Variants in NUP214 observed in about 807,000 individuals in gnomAD.
NUP214 encodes the protein nucleoporin 214, also known as nuclear pore complex protein Nup214.
A neutral mutation model predicts 196.2 loss-of-function variants in NUP214; 79 were observed. The ratio of observed to expected loss-of-function variants is 0.40; its 90% CI spans 0.34 to 0.49. The LOEUF (loss-of-function observed/expected upper bound fraction) is 0.49, where lower values mean the gene tolerates loss of function less well. Among genes scored for constraint, NUP214 ranks in the 20% least tolerant of loss-of-function variants. NUP214 has a pLI of 0.58. For synonymous variants in NUP214, 1,020 were observed against 990.5 expected (o/e 1.03, Z -0.56); for missense variants, 2,468 against 2,539.0 (o/e 0.97, Z 0.60).
chr9:131,199,142 A>G lies in NUP214; in HGVS notation c.5521+127A>G, dbSNP rs1588162689. Reference sequence around the variant, plus strand: ...CCAAAAATAATCTGTAGGTTAAAGAAGACAGCTTGGAGCACATGTGGTCTC... The same window carrying G: ...CCAAAAATAATCTGTAGGTTAAAGAGGACAGCTTGGAGCACATGTGGTCTC... On this transcript the variant is annotated intron_variant, in intron 29 of 35. Coordinates refer to ENST00000359428, the MANE Select transcript of NUP214 (RefSeq NM_005085.4). 2.5e-6 allele frequency: 3 copies of G among 1,206,810 alleles called. No homozygotes were observed. The East Asian group carries it at 7.3e-5, about 29-fold the overall frequency. 74.8% of individuals were successfully genotyped at this position (1,206,810 alleles called of 1,614,324 possible).
intron 18 of NUP214, among the ~76,000 whole-genome samples, chr9:131,162,491 G>T (rs1832669857): frequency 6.6e-6 from 1 of 152,126 alleles, no homozygotes; most frequent in Non-Finnish European, 1.5e-5. Context: ...TCTCTGTCTT[G>T]TTTTAGTTCT....
In NUP214 at chr9:131,215,320, A is replaced by G; in HGVS notation, c.5701A>G (p.Asn1901Asp). The change falls in exon 31 of 36, where the codon AAC (asparagine) becomes GAC (aspartate). Residue 1901 changes from asparagine (N) to aspartate (D), a missense_variant. Asn to Asp is a conservative substitution (Grantham distance 23). This residue lies in a region of NUP214 where 262 missense variants were observed against 296.5 expected (regional missense o/e 0.88). Coordinates refer to ENST00000359428, the MANE Select transcript of NUP214 (RefSeq NM_005085.4). Reference sequence around the variant, plus strand: ...ACCCAGTCAGGATGCAGCCAACAAAAACCCATTCAGCTCGGCCAGTGGGGG... The same window carrying G: ...ACCCAGTCAGGATGCAGCCAACAAAGACCCATTCAGCTCGGCCAGTGGGGG... ...GKPSQDAANK[N>D]PFSSASGGFG... The G allele has an allele frequency of 6.2e-7, 1 of 1,607,902 alleles. No individual in the cohort carries two copies. Among genetic ancestry groups the G allele is most frequent in the South Asian group, 1.1e-5 (1 of 90,304 alleles).
chr9:131,160,525 G>A (rs1280447534), intron 18 of NUP214, among the ~76,000 whole-genome samples: 1 of 152,184 alleles, frequency 6.6e-6, no homozygotes, highest in Admixed American at 6.5e-5. Flanking sequence ...CACCATGAGA[G>A]CATGAAGTGC....
intron 30 of NUP214, among the ~76,000 whole-genome samples, chr9:131,202,722 G>A (rs146372857): frequency 8.6e-5 from 13 of 152,034 alleles, no homozygotes; most frequent in Non-Finnish European, 1.6e-4. Flanking sequence ...GATTACAGGC[G>A]TGAGCCACTG....
chr9:131,218,341 G>C (rs994716401), intron 31 of NUP214, among the ~76,000 whole-genome samples: 1 of 152,222 alleles, frequency 6.6e-6, no homozygotes, highest in African/African-American at 2.4e-5. Flanking sequence ...GGAGAAGGAA[G>C]AGCTGGGAGT....
At chr9:131,206,664 A>C (rs1834097413) in intron 30 of NUP214, among the ~76,000 whole-genome samples, 2 of 152,074 alleles carry the variant, frequency 1.3e-5, no homozygotes, top group South Asian at 4.1e-4. Context: ...GCTGGTCTGT[A>C]ACTCCTGGCC....
intron 7 of NUP214, among the ~76,000 whole-genome samples, chr9:131,134,319 G>A (rs1346740622): frequency 1.3e-5 from 2 of 152,194 alleles, no homozygotes; most frequent in African/African-American, 4.8e-5. Flanking sequence ...AGAAAATAAA[G>A]CCGTGTTAGG....
At chr9:131,163,759 A>T (rs1219127606) in intron 19 of NUP214, 111 bp from the exon 20 acceptor site, 1 of 745,600 alleles carries the variant, frequency 1.3e-6, no homozygotes, top group East Asian at 2.4e-5. Context: ...ATGTTTATAT[A>T]TTGGGGATAT....
At chr9:131,147,677 C>A in intron 14 of NUP214, 93 bp downstream of exon 14, 1 of 981,138 alleles carries the variant, frequency 1.0e-6, no homozygotes, top group South Asian at 1.4e-5. Flanking sequence ...TTTTATAATT[C>A]AGACCTTGGA....
chr9:131,139,447 T>G, intron 10 of NUP214, 40 bp downstream of exon 10: 1 of 1,593,906 alleles, frequency 6.3e-7, no homozygotes, highest in Non-Finnish European at 8.5e-7. Context: ...ATAGTCTTCT[T>G]TCTAGTTAGG....
chr9:131,197,108 T>A, intron 28 of NUP214, 108 bp from the exon 29 acceptor site: 1 of 1,475,014 alleles, frequency 6.8e-7, no homozygotes, highest in Non-Finnish European at 9.2e-7. Context: ...GCACCCTGAC[T>A]CTGTAGAGGG....
chr9:131,215,616 C>T (rs188350033), intron 31 of NUP214, among the ~76,000 whole-genome samples: 37 of 152,142 alleles, frequency 2.4e-4, no homozygotes, highest in Admixed American at 2.0e-3. Flanking sequence ...AGCTGCTCCC[C>T]TCTTCTCTCC....
intron 25 of NUP214, among the ~76,000 whole-genome samples, chr9:131,188,821 C>T (rs1370834503): frequency 6.6e-6 from 1 of 152,234 alleles, no homozygotes; most frequent in East Asian, 1.9e-4. Context: ...GTGTGACTGC[C>T]TTCTTGGAGC....
chr9:131,147,651 A>G, intron 14 of NUP214, 67 bp downstream of exon 14: 2 of 1,174,114 alleles, frequency 1.7e-6, no homozygotes, highest in Non-Finnish European at 1.3e-6. Flanking sequence ...ACCTATGAAT[A>G]AAATGAGTTT....
intron 16 of NUP214, among the ~76,000 whole-genome samples, chr9:131,151,094 T>G (rs548147674): frequency 6.6e-6 from 1 of 152,236 alleles, no homozygotes; most frequent in Admixed American, 6.5e-5. Context: ...TATTTGAAAT[T>G]TTACTATCTC....
Position 131,175,679 on chromosome 9 carries a change from G to A in NUP214, c.3319+58G>A, listed in dbSNP as rs1833095116. On this transcript the variant is annotated intron_variant, in intron 23 of 35. Transcript: ENST00000359428. ...CTGATTATGAGCTGTCTGAGTCACA[G>A]GCCAGGACAGCAGGTGGCAAGAAAC... 3.6e-5 allele frequency: 57 copies of A among 1,562,910 alleles called. No individual in the cohort carries two copies. The East Asian group carries it at 1.3e-3, about 35-fold the overall frequency.
intron 28 of NUP214, among the ~76,000 whole-genome samples, chr9:131,196,025 T>TCCCTCCCCCCCCC: frequency 2.7e-4 from 1 of 3,666 alleles, no homozygotes; most frequent in African/African-American, 6.6e-4. Flanking sequence ...ACTCTGTGTG[T>TCCCTCCCCCCCCC]CCCCCCCCCC....
Position 131,219,029 on chromosome 9 carries a change from C to A in NUP214, c.5749+3661C>A, listed in dbSNP as rs546339139. On this transcript the variant is annotated intron_variant, in intron 31 of 35. Transcript: ENST00000359428. ...GAGGGTCATTCAGGCCCACCATGAT[C>A]GCTCCCTCTCTGGAAATCCTGCAGC... Among the ~76,000 whole-genome samples the A allele has an allele frequency of 3.9e-5, 6 of 152,120 alleles. No homozygotes were observed. The South Asian group carries it at 1.2e-3, about 32-fold the overall frequency.
At chr9:131,227,817 C>T (rs1429952032) in intron 32 of NUP214, among the ~76,000 whole-genome samples, 2 of 152,090 alleles carry the variant, frequency 1.3e-5, no homozygotes, top group Admixed American at 1.3e-4. Context: ...GGAAGGTGCA[C>T]CGAGTGGGCT....
Sources: gnomAD v4.1 joint callset for allele counts (sites outside exome capture counted in the v4.1 genomes callset) on GRCh38, gnomAD v4.1.1 for gene constraint, gnomAD v4.1.1 regional missense constraint, MANE v1.5 for transcripts, NCBI Gene and HGNC (gene_info 2026-07-23, HGNC 2026-07-21) for gene names.